The following FERMT3 variants were observed in gnomAD, a reference collection of about 807,000 sequenced individuals.
FERMT3 encodes fermitin family homolog 3.
FERMT3 carries 33 observed loss-of-function variants against 80.8 expected under a neutral mutation model. The observed-to-expected ratio is 0.41, with a 90% CI of 0.31 to 0.55. FERMT3 has a LOEUF of 0.55. Ranked by LOEUF, FERMT3 falls within the 20% of genes least tolerant of loss-of-function variation. The pLI, the probability that FERMT3 is intolerant of heterozygous loss-of-function variation, is 0.31. For synonymous variants in FERMT3, 375 were observed against 372.2 expected, an observed-to-expected ratio of 1.01 and a Z score of -0.09; for missense variants, 754 against 908.7, an observed-to-expected ratio of 0.83 and a Z score of 2.19.
At position 64,219,746 on chromosome 11, in the gene FERMT3, C is replaced by T. The variant is rs1946632933; in HGVS notation, c.1036C>T (p.Leu346Phe). Reference sequence around the variant, plus strand: ...GACTCTGGTCCTCCCATAGGACAGCCTCACCACCATCCCAGAGCTCAAGGA... The same window carrying T: ...GACTCTGGTCCTCCCATAGGACAGCTTCACCACCATCCCAGAGCTCAAGGA... Reference protein sequence around the residue: ...GSAPTDVLDSLTTIPELKDHL... With the variant: ...GSAPTDVLDSFTTIPELKDHL... Residue 346 changes from leucine (L) to phenylalanine (F), a missense_variant, in exon 9 of 15, where the codon CTC becomes TTC. By Grantham distance (22) the Leu-to-Phe change is conservative. Coordinates refer to ENST00000345728, the MANE Select transcript of FERMT3 (RefSeq NM_031471.6). The surrounding 1 kb of genome is among the most constrained non-coding windows in gnomAD (Gnocchi z 4.0). The T allele has an allele frequency of 6.2e-7, 1 of 1,613,940 alleles. No individual in the cohort carries two copies. Among genetic ancestry groups the T allele is most frequent in the East Asian group, 2.2e-5 (1 of 44,878 alleles).
At chr11:64,220,194 C>T (rs1565296123) in intron 10 of FERMT3, 26 bp from the exon 11 acceptor site, 1 of 1,610,820 alleles carries the variant, frequency 6.2e-7, no homozygotes. Flanking sequence ...TCCCGACCTC[C>T]TAGACCACCC....
Position 64,219,155 on chromosome 11 carries a change from G to A in FERMT3, c.787-96G>A, listed in dbSNP as rs1946615694. On this transcript the variant is annotated intron_variant, in intron 6 of 14. Coordinates refer to ENST00000345728, the MANE Select transcript of FERMT3 (RefSeq NM_031471.6). This position sits in a 1 kb window ranked among gnomAD's most constrained non-coding sequence, Gnocchi z 4.0. ...AATCTGCCTCAGCAAGGAGGGCAGG[G>A]CAGAGGGCCAAGGCTGGCAGGGGCT... is the stretch of plus-strand genomic sequence containing the variant. 2 of 1,195,542 alleles carry A rather than the reference G, an allele frequency of 1.7e-6. No individual in the cohort carries two copies. Among genetic ancestry groups the A allele is most frequent in the Non-Finnish European group, 2.4e-6 (2 of 832,420 alleles). 74.1% of individuals were successfully genotyped at this position (1,195,542 alleles called of 1,614,324 possible).
At position 64,223,026 on chromosome 11, in the gene FERMT3, ACTCT is replaced by A; in HGVS notation, c.1671-16_1671-13del. ...GCCATGCAGGGTGGAGCCCTGGCTCACTCTCTCTCCCTGGGGGCCAGGTTCAAGG... is the reference window on the plus strand; with the variant it reads ...GCCATGCAGGGTGGAGCCCTGGCTCACTCTCCCTGGGGGCCAGGTTCAAGG... On this transcript the variant is annotated intron_variant, in intron 13 of 14. Transcript: ENST00000345728. The A allele has an allele frequency of 1.2e-5, 19 of 1,612,760 alleles. No individual in the cohort carries two copies. The highest frequency in any genetic ancestry group is 1.4e-5 in the Non-Finnish European group (17 of 1,179,808).
In FERMT3 at chr11:64,211,169, G is replaced by A. The variant is rs374612635; in HGVS notation, c.512G>A (p.Gly171Glu). 3.9e-6 allele frequency: 6 copies of A among 1,551,588 alleles called. No homozygotes were observed. In the African/African-American group the frequency reaches 8.2e-5, roughly 21 times the overall value. ...LYDLSKVVLA[G>E]GVAPALFRGM... Reference sequence around the variant, plus strand: ...GACTTGAGCAAGGTTGTCTTGGCTGGGGGTGAGTGCAAGTGGGGGTGGGCC... The same window carrying A: ...GACTTGAGCAAGGTTGTCTTGGCTGAGGGTGAGTGCAAGTGGGGGTGGGCC... The change falls in exon 4 of 15, where the codon GGG (glycine) becomes GAG (glutamate). Residue 171 changes from glycine to glutamate, a missense_variant and splice_region_variant. Gly to Glu is a moderately conservative substitution (Grantham distance 98). Coordinates refer to ENST00000345728, the MANE Select transcript of FERMT3 (RefSeq NM_031471.6). The surrounding 1 kb of genome is among the most constrained non-coding windows in gnomAD (Gnocchi z 4.7).
intron 6 of FERMT3, among the ~76,000 whole-genome samples, chr11:64,214,024 G>A (rs981947724): frequency 2.0e-5 from 3 of 152,196 alleles, no homozygotes; most frequent in Non-Finnish European, 4.4e-5. Flanking sequence ...CTTTCTAAGT[G>A]AGTAGTGTCT....
Position 64,223,507 on chromosome 11 carries a change from C to T in FERMT3, c.*15C>T, listed in dbSNP as rs2134907652. The T allele has an allele frequency of 1.9e-6, 3 of 1,569,990 alleles. No individual in the cohort carries two copies. Among genetic ancestry groups the T allele is most frequent in the South Asian group, 1.1e-5 (1 of 89,292 alleles). On this transcript the variant is annotated 3_prime_UTR_variant, in exon 15 of 15. Transcript: ENST00000345728. Reference sequence around the variant, plus strand: ...AGGCCTTCTGAGGGCTGTCTGATTGCCCCTGCCCTGCTCACCACCCTGTCA... The same window carrying T: ...AGGCCTTCTGAGGGCTGTCTGATTGTCCCTGCCCTGCTCACCACCCTGTCA...
chr11:64,216,479 G>A (rs1254812190), intron 6 of FERMT3, among the ~76,000 whole-genome samples: 1 of 146,376 alleles, frequency 6.8e-6, no homozygotes. Flanking sequence ...GATTACAGGC[G>A]TGAGCCACCG....
chr11:64,207,240 T>A (rs1591022131), intron 1 of FERMT3, 111 bp from the exon 2 acceptor site: 1 of 1,292,020 alleles, frequency 7.7e-7, no homozygotes, highest in Non-Finnish European at 1.1e-6. Context: ...CCCGCCCTCC[T>A]TCATGAGCGG....
Position 64,211,322 on chromosome 11 carries a change from A to G in FERMT3, c.562A>G (p.Ser188Gly). The G allele has an allele frequency of 6.2e-7, 1 of 1,613,312 alleles. No individual in the cohort carries two copies. Among genetic ancestry groups the G allele is most frequent in the Non-Finnish European group, 8.5e-7 (1 of 1,179,830 alleles). ...FRGMPAHFSD[S>G]AQTEACYHML... ...GGGGATGCCAGCTCACTTCTCGGAC[A>G]GCGCCCAGACTGAGGCCTGCTACCA... Residue 188 changes from serine (S) to glycine (G), a missense_variant, in exon 5 of 15, where the codon AGC becomes GGC. Coordinates refer to ENST00000345728, the MANE Select transcript of FERMT3 (RefSeq NM_031471.6). This position sits in a 1 kb window ranked among gnomAD's most constrained non-coding sequence, Gnocchi z 4.7.
intron 2 of FERMT3, among the ~76,000 whole-genome samples, chr11:64,208,626 G>T (rs1045905047): frequency 6.6e-6 from 1 of 152,220 alleles, no homozygotes; most frequent in Non-Finnish European, 1.5e-5. Flanking sequence ...CACAGAGGGC[G>T]CTATCATGGG....
In FERMT3 at chr11:64,220,982, T is replaced by G. The variant is rs772012107; in HGVS notation, c.1546-34T>G. On this transcript the variant is annotated intron_variant, in intron 12 of 14. Coordinates refer to ENST00000345728, the MANE Select transcript of FERMT3 (RefSeq NM_031471.6). Reference sequence around the variant, plus strand: ...CGGTGACTCTGGAGGAGGGGAATAGTGCCTGGCAGCCCGTCACCAGTATGG... The same window carrying G: ...CGGTGACTCTGGAGGAGGGGAATAGGGCCTGGCAGCCCGTCACCAGTATGG... 21 of 1,605,616 alleles carry G rather than the reference T, an allele frequency of 1.3e-5. No individual in the cohort carries two copies. The East Asian group carries it at 4.2e-4, about 32-fold the overall frequency.
In FERMT3 at chr11:64,210,570, G is replaced by T; in HGVS notation, c.161-41G>T. On this transcript the variant is annotated intron_variant, in intron 2 of 14. Transcript: ENST00000345728. This position sits in a 1 kb window ranked among gnomAD's most constrained non-coding sequence, Gnocchi z 4.3. ...GTTGTGCTGGGTGTTGGGGGCACCAGGGAGGAAGGTTGGACCCAGATGTGC... is the reference window on the plus strand; with the variant it reads ...GTTGTGCTGGGTGTTGGGGGCACCATGGAGGAAGGTTGGACCCAGATGTGC... 1.9e-6 allele frequency: 3 copies of T among 1,588,706 alleles called. No individual in the cohort carries two copies. Among genetic ancestry groups the T allele is most frequent in the South Asian group, 1.1e-5 (1 of 90,580 alleles).
rs1376001840 is a variant in FERMT3 at position 64,219,531 on chromosome 11, T to C, written c.902T>C (p.Ile301Thr). 3 of 1,606,480 alleles carry C rather than the reference T, an allele frequency of 1.9e-6. No homozygotes were observed. The Admixed American group carries it at 5.1e-5, about 27-fold the overall frequency. Residue 301 changes from isoleucine (I) to threonine (T), a missense_variant, in exon 8 of 15, where the codon ATC (isoleucine) becomes ACC (threonine). Transcript: ENST00000345728. This position sits in a 1 kb window ranked among gnomAD's most constrained non-coding sequence, Gnocchi z 4.0. The stretch of plus-strand genomic sequence containing the variant: ...GGCTTCATGACCACCTAGTACCACA[T>C]CAACAAGCTGTCCCAGAGCGGGGAG... Reference protein sequence around the residue: ...MMVFAALQYHINKLSQSGEVG... With the variant: ...MMVFAALQYHTNKLSQSGEVG...
intron 2 of FERMT3, among the ~76,000 whole-genome samples, chr11:64,208,311 A>G (rs1461471397): frequency 6.6e-6 from 1 of 152,194 alleles, no homozygotes; most frequent in African/African-American, 2.4e-5. Flanking sequence ...GGCCCGGAGC[A>G]GCTGTGAGAA....
Position 64,211,521 on chromosome 11 carries a change from C to A in FERMT3, c.683+78C>A. ...CCCCCTGTCCCGTGTCTGTGCCCAC[C>A]CCAGATCCACACTTCGTTTCCAGGC... On this transcript the variant is annotated intron_variant, in intron 5 of 14. Coordinates refer to ENST00000345728, the MANE Select transcript of FERMT3 (RefSeq NM_031471.6). The surrounding 1 kb of genome is among the most constrained non-coding windows in gnomAD (Gnocchi z 4.7). The A allele has an allele frequency of 1.3e-6, 2 of 1,515,382 alleles. No homozygotes were observed. Among genetic ancestry groups the A allele is most frequent in the South Asian group, 1.2e-5 (1 of 83,990 alleles). 93.9% of individuals were successfully genotyped at this position (1,515,382 alleles called of 1,614,324 possible).
intron 10 of FERMT3, 30 bp from the exon 11 acceptor site, chr11:64,220,190 C>T (rs1158963200): frequency 6.2e-7 from 1 of 1,607,948 alleles, no homozygotes. Context: ...CCCCTCCCGA[C>T]CTCCTAGACC....
Position 64,211,767 on chromosome 11 carries a change from AAGC to A in FERMT3, c.786+21_786+23del. ...CCCAAGGTGGGTCGGGGCAGGGAGA[AAGC>A]GGGCCTCAGGTCCATGAGATGTGGA... On this transcript the variant is annotated intron_variant, in intron 6 of 14. Transcript: ENST00000345728. This position sits in a 1 kb window ranked among gnomAD's most constrained non-coding sequence, Gnocchi z 4.7. 1 of 1,612,378 alleles carries A rather than the reference AAGC, an allele frequency of 6.2e-7. No individual in the cohort carries two copies. Among genetic ancestry groups the A allele is most frequent in the Non-Finnish European group, 8.5e-7 (1 of 1,178,506 alleles).
intron 13 of FERMT3, among the ~76,000 whole-genome samples, chr11:64,222,271 AT>A: frequency 6.7e-6 from 1 of 148,964 alleles, no homozygotes; most frequent in East Asian, 2.0e-4. Context: ...AAATAAATAA[AT>A]AAATAAATAA....
chr11:64,209,061 T>C (rs1946380651), intron 2 of FERMT3, among the ~76,000 whole-genome samples: 1 of 151,878 alleles, frequency 6.6e-6, no homozygotes, highest in Admixed American at 6.6e-5. Flanking sequence ...GGGATTGGCA[T>C]TGATTACATG....
Sources: gnomAD v4.1 joint callset for allele counts (sites outside exome capture counted in the v4.1 genomes callset) on GRCh38, gnomAD v4.1.1 for gene constraint, Gnocchi (gnomAD v3.1) non-coding constraint, MANE v1.5 for transcripts, NCBI Gene and HGNC (gene_info 2026-07-23, HGNC 2026-07-21) for gene names.